ZFHX3: variants seen among roughly 807,000 people sequenced by gnomAD.
ZFHX3 encodes zinc finger homeobox 3.
A neutral mutation model predicts 279.1 loss-of-function variants in ZFHX3; 42 were observed. That is an observed-to-expected ratio of 0.15 (90% confidence interval 0.12 to 0.19). The LOEUF is 0.19. Ranked by LOEUF, ZFHX3 falls within the 10% of genes least tolerant of loss-of-function variation. The pLI, the probability that ZFHX3 is intolerant of heterozygous loss-of-function variation, is 1.00. For synonymous variants in ZFHX3, 2,293 were observed against 1,957.8 expected (o/e 1.17, Z -4.52); for missense variants, 4,981 against 4,754.0 (o/e 1.05, Z -1.40).
chr16:72,976,812 G>A (rs993833606), intron 1 of ZFHX3, among the ~76,000 whole-genome samples: 8 of 152,224 alleles, frequency 5.3e-5, no homozygotes, highest in African/African-American at 1.9e-4. Context: ...GGCTGGACAA[G>A]TGGCACCGCC....
chr16:73,006,019 T>C (rs879727224), intron 1 of ZFHX3: 6 of 152,260 alleles, frequency 3.9e-5, no homozygotes, highest in Middle Eastern at 3.2e-3. Flanking sequence ...AACTCCTTAA[T>C]TAAATTTAAA....
At chr16:73,699,572 A>G (rs1159561148) in intron 1 of ZFHX3, among the ~76,000 whole-genome samples, 2 of 152,228 alleles carry the variant, frequency 1.3e-5, no homozygotes, top group Non-Finnish European at 2.9e-5. Flanking sequence ...TTCTGTATTT[A>G]AGAAAACAAA....
chr16:73,531,587 C>T (rs376949089), intron 2 of ZFHX3, among the ~76,000 whole-genome samples: 2 of 151,372 alleles, frequency 1.3e-5, no homozygotes, highest in African/African-American at 2.4e-5. Flanking sequence ...TGGCAGCACA[C>T]GCCTATTGTC....
intron 3 of ZFHX3, among the ~76,000 whole-genome samples, chr16:73,442,315 A>T (rs1481340182): frequency 6.6e-6 from 1 of 150,992 alleles, no homozygotes; most frequent in Non-Finnish European, 1.5e-5. Flanking sequence ...TTCTCCTTGC[A>T]TCTTTGTACT....
At chr16:73,158,358 T>A (rs1967147557) in intron 5 of ZFHX3, among the ~76,000 whole-genome samples, 1 of 152,230 alleles carries the variant, frequency 6.6e-6, no homozygotes, top group Admixed American at 6.5e-5. Flanking sequence ...ATTCTGCCAG[T>A]GCAAAGTAAT....
At chr16:73,404,984 T>C (rs966503299) in intron 3 of ZFHX3, among the ~76,000 whole-genome samples, 1 of 152,192 alleles carries the variant, frequency 6.6e-6, no homozygotes, top group Non-Finnish European at 1.5e-5. Flanking sequence ...CTTAGACCAT[T>C]TGCAACGGTC....
chr16:72,867,540 C>A (rs537772051), intron 4 of ZFHX3, among the ~76,000 whole-genome samples: 1 of 152,274 alleles, frequency 6.6e-6, no homozygotes, highest in Non-Finnish European at 1.5e-5. Context: ...AACGTTAATA[C>A]CCTCATGGAG....
chr16:73,839,413 T>C (rs905764227), intron 1 of ZFHX3, among the ~76,000 whole-genome samples: 1 of 149,364 alleles, frequency 6.7e-6, no homozygotes, highest in Non-Finnish European at 1.5e-5. Flanking sequence ...TTGGAGTATT[T>C]GGTATACCTT....
At chr16:73,043,805 ATC>A (rs1219679106) in intron 1 of ZFHX3, among the ~76,000 whole-genome samples, 2 of 152,186 alleles carry the variant, frequency 1.3e-5, no homozygotes, top group Non-Finnish European at 2.9e-5. Context: ...GCCCTCCAAC[ATC>A]TGATTGCCAC....
At chr16:73,506,710 G>T (rs888648356) in intron 2 of ZFHX3, among the ~76,000 whole-genome samples, 1 of 152,132 alleles carries the variant, frequency 6.6e-6, no homozygotes, top group Non-Finnish European at 1.5e-5. Context: ...TTACACAGTA[G>T]GTGACATTAA....
chr16:73,451,557 G>A lies in ZFHX3; in HGVS notation c.-1291+4446C>T, dbSNP rs1405510713. On this transcript the variant is annotated intron_variant, in intron 3 of 17. Transcript: ENST00000641206. ...TATGAAGGCATTCTTGTTCAAGAAA[G>A]CATCGGTATTTTTGCTACTACTGAA... Among the ~76,000 whole-genome samples the A allele has an allele frequency of 3.3e-5, 5 of 152,166 alleles. No homozygotes were observed. The East Asian group carries it at 9.6e-4, about 29-fold the overall frequency.
chr16:73,803,132 A>T (rs191998337), intron 1 of ZFHX3, among the ~76,000 whole-genome samples: 1 of 152,350 alleles, frequency 6.6e-6, no homozygotes, highest in Non-Finnish European at 1.5e-5. Flanking sequence ...CGAAGCTCCT[A>T]TTAACCAATA....
At chr16:73,536,529 C>G (rs576676732) in intron 2 of ZFHX3, among the ~76,000 whole-genome samples, 1 of 152,320 alleles carries the variant, frequency 6.6e-6, no homozygotes, top group East Asian at 1.9e-4. Context: ...TAAAGTATAA[C>G]CTCATTTAAT....
chr16:73,223,464 G>A (rs570662888), intron 5 of ZFHX3, among the ~76,000 whole-genome samples: 1 of 152,226 alleles, frequency 6.6e-6, no homozygotes, highest in Non-Finnish European at 1.5e-5. Context: ...AAGCATATAA[G>A]AAGATGCTCC....
intron 8 of ZFHX3, among the ~76,000 whole-genome samples, chr16:73,072,076 C>T (rs1965831998): frequency 6.6e-6 from 1 of 152,070 alleles, no homozygotes; most frequent in South Asian, 2.1e-4. Flanking sequence ...ATTCATAATC[C>T]CCAGCACTCA....
At chr16:73,510,820 A>G (rs1477727151) in intron 2 of ZFHX3, among the ~76,000 whole-genome samples, 21 of 152,230 alleles carry the variant, frequency 1.4e-4, no homozygotes, top group Non-Finnish European at 4.4e-5. Flanking sequence ...CTTCTCCCTA[A>G]GTCCACACCT....
At chr16:73,641,703 C>T (rs4887880) in intron 2 of ZFHX3, among the ~76,000 whole-genome samples, 146,901 of 152,200 alleles carry the variant, frequency 0.97, 70,939 homozygotes, top group East Asian at 1. Context: ...TTTAGAAATA[C>T]ATAAATAGCA....
At chr16:72,962,988 G>C (rs1345291772) in intron 1 of ZFHX3, among the ~76,000 whole-genome samples, 1 of 152,128 alleles carries the variant, frequency 6.6e-6, no homozygotes, top group Non-Finnish European at 1.5e-5. Flanking sequence ...GCTCTCTCTC[G>C]CTCTGTTTAT....
intron 3 of ZFHX3, among the ~76,000 whole-genome samples, chr16:73,342,177 G>T (rs2016044242): frequency 6.6e-6 from 1 of 152,176 alleles, no homozygotes; most frequent in Admixed American, 6.5e-5. Flanking sequence ...TGCTGGTGAG[G>T]CTAGGGGGAA....
Sources: gnomAD v4.1 joint callset for allele counts (sites outside exome capture counted in the v4.1 genomes callset) on GRCh38, gnomAD v4.1.1 for gene constraint, MANE v1.5 for transcripts, NCBI Gene and HGNC (gene_info 2026-07-23, HGNC 2026-07-21) for gene names.